The following TYR variants were observed in gnomAD, a reference collection of about 807,000 sequenced individuals.
TYR encodes the protein tyrosinase, also known as LB24-AB.
Under a neutral mutation model 51.5 loss-of-function variants are expected in TYR, and 58 were observed. The observed-to-expected ratio is 1.13, with a 90% confidence interval of 0.91 to 1.40. The LOEUF (loss-of-function observed/expected upper bound fraction) is 1.40, where lower values mean the gene tolerates loss of function less well. Ranked by LOEUF, TYR falls within the 40% of genes most tolerant of loss-of-function variation. TYR has a pLI of 0.00. For missense variants in TYR, 732 were observed against 647.4 expected (o/e 1.13, Z -1.42); for synonymous variants, 263 against 235.2 (o/e 1.12, Z -1.08).
intron 2 of TYR, 74 bp downstream of exon 2, chr11:89,191,492 G>A (rs1006319769): frequency 3.5e-6 from 5 of 1,446,108 alleles, no homozygotes; most frequent in South Asian, 1.2e-5. Flanking sequence ...AGTCCTAGGA[G>A]GTATTTGAGA....
intron 1 of TYR, among the ~76,000 whole-genome samples, chr11:89,183,383 C>A (rs924852634): frequency 1.3e-5 from 2 of 151,770 alleles, no homozygotes; most frequent in Non-Finnish European, 2.9e-5. Flanking sequence ...CGACATTGGA[C>A]CAGTTATTTA....
intron 3 of TYR, chr11:89,283,788 A>C (rs181920342): frequency 2.4e-4 from 36 of 151,996 alleles, no homozygotes; most frequent in African/African-American, 8.4e-4. Flanking sequence ...CTCCATTCTT[A>C]CTGGACTTTT....
At chr11:89,267,608 C>G (rs1045972807) in intron 3 of TYR, among the ~76,000 whole-genome samples, 1 of 151,878 alleles carries the variant, frequency 6.6e-6, no homozygotes, top group Non-Finnish European at 1.5e-5. Flanking sequence ...TCTGAAAACC[C>G]TCTGGGATAG....
chr11:89,192,117 T>G (rs1269213995), intron 2 of TYR: 8 of 344,514 alleles, frequency 2.3e-5, no homozygotes, highest in Non-Finnish European at 4.5e-5. Flanking sequence ...CTGTTCTTCA[T>G]CAGAGATTAC....
At chr11:89,246,021 C>T (rs998441543) in intron 3 of TYR, among the ~76,000 whole-genome samples, 15 of 151,986 alleles carry the variant, frequency 9.9e-5, no homozygotes, top group African/African-American at 2.9e-4. Context: ...ATTTAGCATG[C>T]TCAGAAGCTT....
At chr11:89,232,282 A>G (rs1272833106) in intron 3 of TYR, among the ~76,000 whole-genome samples, 1 of 143,364 alleles carries the variant, frequency 7.0e-6, no homozygotes, top group East Asian at 2.0e-4. Flanking sequence ...TGCATCTAAA[A>G]GTTACGTTTA....
chr11:89,285,119 A>G (rs989077103), intron 4 of TYR, among the ~76,000 whole-genome samples, 165 bp downstream of exon 4: 1 of 151,840 alleles, frequency 6.6e-6, no homozygotes, highest in African/African-American at 2.4e-5. Context: ...ACAGGAATCA[A>G]ATTCTGAGGA....
intron 2 of TYR, chr11:89,200,597 A>C (rs1011325759): frequency 6.6e-5 from 10 of 152,078 alleles, no homozygotes; most frequent in Admixed American, 3.3e-4. Flanking sequence ...TATTTGTATT[A>C]ATTTATTTAA....
At chr11:89,226,388 T>C (rs544171688) in intron 2 of TYR, among the ~76,000 whole-genome samples, 5 of 152,118 alleles carry the variant, frequency 3.3e-5, no homozygotes, top group Non-Finnish European at 7.4e-5. Context: ...TATGTCAAGA[T>C]CTAGAAAAAT....
rs138663190 is a variant in TYR, at chr11:89,237,615, C to A, written c.1184+9645C>A. ...ACAGCTTTGTAGTATATTTTGCAGT[C>A]AGATACTGTGATTCTCCTGCTTTGT... On this transcript the variant is annotated intron_variant, in intron 3 of 4. Transcript: ENST00000263321. Among the ~76,000 whole-genome samples, 6 of 152,190 alleles carry A rather than the reference C, an allele frequency of 3.9e-5. No homozygotes were observed. The East Asian group carries it at 1.2e-3, about 29-fold the overall frequency.
At chr11:89,187,203 C>A (rs1435113463) in intron 1 of TYR, among the ~76,000 whole-genome samples, 1 of 152,062 alleles carries the variant, frequency 6.6e-6, no homozygotes, top group African/African-American at 2.4e-5. Flanking sequence ...ATTTCCCTAC[C>A]CCCAGCCAAG....
At chr11:89,241,307 G>T (rs1268039460) in intron 3 of TYR, among the ~76,000 whole-genome samples, 1 of 152,042 alleles carries the variant, frequency 6.6e-6, no homozygotes, top group Non-Finnish European at 1.5e-5. Context: ...ATTTACCCTC[G>T]TATGTACTCT....
At chr11:89,236,865 T>A (rs1239059617) in intron 3 of TYR, among the ~76,000 whole-genome samples, 1 of 152,154 alleles carries the variant, frequency 6.6e-6, no homozygotes. Context: ...AGTTTTGACC[T>A]CCTCCATAAA....
intron 3 of TYR, among the ~76,000 whole-genome samples, chr11:89,253,598 G>C (rs1944355162): frequency 6.6e-6 from 1 of 151,550 alleles, no homozygotes; most frequent in African/African-American, 2.4e-5. Context: ...TTTTAAAAGG[G>C]GCTGAATTCT....
Position 89,188,347 on chromosome 11 carries a change from A to G in TYR, c.820-2855A>G, listed in dbSNP as rs75878001. On this transcript the variant is annotated intron_variant, in intron 1 of 4. Coordinates refer to ENST00000263321, the MANE Select transcript of TYR (RefSeq NM_000372.5). The stretch of plus-strand genomic sequence containing the variant: ...CTGGTATAATGCCTGACACATAGAC[A>G]TTTTAAAACTTCGGTTTGAAAAGCA... 9.9e-5 allele frequency among the ~76,000 whole-genome samples: 15 copies of G among 152,156 alleles called. No individual in the cohort carries two copies. In the East Asian group the frequency reaches 2.7e-3, roughly 28 times the overall value.
At chr11:89,269,354 C>T (rs1233396869) in intron 3 of TYR, among the ~76,000 whole-genome samples, 1 of 151,864 alleles carries the variant, frequency 6.6e-6, no homozygotes, top group Non-Finnish European at 1.5e-5. Flanking sequence ...GCCAGTGTGG[C>T]CTGGCTCATT....
intron 2 of TYR, among the ~76,000 whole-genome samples, chr11:89,227,548 C>T (rs57056852): frequency 0.015 from 2,309 of 152,178 alleles, 51 homozygotes; most frequent in African/African-American, 0.051. Flanking sequence ...AAATTATAGG[C>T]AGAATGAACA....
intron 3 of TYR, among the ~76,000 whole-genome samples, chr11:89,253,427 A>G (rs1428484858): frequency 3.3e-5 from 5 of 151,736 alleles, no homozygotes; most frequent in Non-Finnish European, 7.4e-5. Context: ...GAACGTTTCA[A>G]TATTGAGTCT....
intron 2 of TYR, among the ~76,000 whole-genome samples, chr11:89,193,428 A>C (rs144734345): frequency 2.0e-4 from 31 of 152,238 alleles, no homozygotes; most frequent in African/African-American, 7.2e-4. Flanking sequence ...ATTTACTACA[A>C]ATAATTTGCT....
Sources: allele counts gnomAD v4.1 joint callset (sites outside exome capture counted in the v4.1 genomes callset), GRCh38; gene constraint gnomAD v4.1.1; transcripts MANE v1.5; gene names NCBI Gene and HGNC (gene_info 2026-07-23, HGNC 2026-07-21).